Variants in EEF2K observed in about 807,000 individuals in gnomAD.
EEF2K encodes the protein eukaryotic elongation factor 2 kinase, also known as alternative protein EEF2K.
EEF2K carries 70 observed loss-of-function variants against 93.8 expected under a neutral mutation model. The observed-to-expected ratio is 0.75, with a 90% CI of 0.62 to 0.91. The LOEUF is 0.91. EEF2K is among the 40% of genes least tolerant of loss of function. The pLI is 0.00. For missense variants in EEF2K, 935 were observed against 972.9 expected, an observed-to-expected ratio of 0.96 and a Z score of 0.52; for synonymous variants, 376 against 380.8, an observed-to-expected ratio of 0.99 and a Z score of 0.15.
chr16:22,270,341 T>A (rs1270945574), intron 15 of EEF2K, among the ~76,000 whole-genome samples: 4 of 151,920 alleles, frequency 2.6e-5, no homozygotes, highest in Non-Finnish European at 4.4e-5. Flanking sequence ...GCCAGGCTGG[T>A]CTCGAACTCC....
rs371109837 is a variant in EEF2K at position 22,256,897 on chromosome 16, G to A, written c.768G>A (p.Gln256=). 1 of 1,613,774 alleles carries A rather than the reference G, an allele frequency of 6.2e-7. No homozygotes were observed. The highest frequency in any genetic ancestry group is 1.1e-5 in the South Asian group (1 of 91,068). ...VRDDNIRLTP[Q]AFSHFTFERS... ...ATGACAACATCCGCCTGACGCCGCA[G>A]GTGAGGCCGAGCTCACCTCCACCCT... Residue 256 remains glutamine, a splice_region_variant and synonymous_variant, in exon 7 of 18, where the codon CAG becomes CAA. Transcript: ENST00000263026.
intron 10 of EEF2K, among the ~76,000 whole-genome samples, chr16:22,259,895 G>A (rs762607938): frequency 6.6e-6 from 1 of 152,106 alleles, no homozygotes; most frequent in Non-Finnish European, 1.5e-5. Flanking sequence ...TGGGATTACA[G>A]GTGCATGCCA....
chr16:22,281,008 C>T (rs777118508), intron 17 of EEF2K, among the ~76,000 whole-genome samples: 33 of 152,070 alleles, frequency 2.2e-4, no homozygotes, highest in Admixed American at 4.6e-4. Flanking sequence ...CATCTCTGCT[C>T]CCTGCAACCT....
intron 17 of EEF2K, among the ~76,000 whole-genome samples, chr16:22,280,663 CTTTTTTTTTTTTT>C (rs11289061): frequency 1.5e-5 from 2 of 130,190 alleles, no homozygotes; most frequent in African/African-American, 6.0e-5. Flanking sequence ...TCCTTTCTTT[CTTTTTTTTTTTTT>C]TTTTTTGAGA....
chr16:22,252,474 G>T (rs889053767), intron 6 of EEF2K, among the ~76,000 whole-genome samples: 10 of 152,166 alleles, frequency 6.6e-5, no homozygotes, highest in Non-Finnish European at 1.2e-4. Flanking sequence ...CGTTTCATTG[G>T]CTCTGATTAA....
intron 12 of EEF2K, among the ~76,000 whole-genome samples, chr16:22,263,665 A>G (rs777594317): frequency 6.6e-6 from 1 of 152,256 alleles, no homozygotes; most frequent in African/African-American, 2.4e-5. Context: ...AAGATAAAAC[A>G]GGATCATGTG....
chr16:22,272,724 T>C (rs2047595933), intron 15 of EEF2K, among the ~76,000 whole-genome samples: 1 of 152,010 alleles, frequency 6.6e-6, no homozygotes, highest in Non-Finnish European at 1.5e-5. Flanking sequence ...TGCAGTGGCT[T>C]GATCTCGGTT....
rs554421683 is a variant in EEF2K, at chr16:22,229,242, T to G, written c.246+3267T>G. On this transcript the variant is annotated intron_variant, in intron 2 of 17. Coordinates refer to ENST00000263026, the MANE Select transcript of EEF2K (RefSeq NM_013302.5). Reference sequence around the variant, plus strand: ...GTGTTGAATATTTTGAAAGCACCCCTGCATATGCGTGTATGTGGGTACAGA... The same window carrying G: ...GTGTTGAATATTTTGAAAGCACCCCGGCATATGCGTGTATGTGGGTACAGA... Among the ~76,000 whole-genome samples, 10 of 152,328 alleles carry G rather than the reference T, an allele frequency of 6.6e-5. No homozygotes were observed. In the South Asian group the frequency reaches 2.1e-3, roughly 32 times the overall value.
intron 13 of EEF2K, among the ~76,000 whole-genome samples, chr16:22,265,744 C>A (rs1475150266): frequency 6.6e-6 from 1 of 152,222 alleles, no homozygotes; most frequent in Admixed American, 6.5e-5. Context: ...CTGTATCCTG[C>A]AAGAGCCTTT....
At chr16:22,212,001 G>A (rs1055518935) in intron 1 of EEF2K, among the ~76,000 whole-genome samples, 3 of 151,922 alleles carry the variant, frequency 2.0e-5, no homozygotes, top group Non-Finnish European at 4.4e-5. Context: ...GAGACGTGCT[G>A]TATCCCTGAG....
chr16:22,247,329 TC>T (rs1209503547), intron 3 of EEF2K, among the ~76,000 whole-genome samples: 1 of 150,980 alleles, frequency 6.6e-6, no homozygotes, highest in Non-Finnish European at 1.5e-5. Context: ...ACACCTGTAA[TC>T]CCAGCTACTC....
intron 2 of EEF2K, 78 bp from the exon 3 acceptor site, chr16:22,244,551 AG>A (rs2047265142): frequency 1.5e-6 from 2 of 1,354,644 alleles, no homozygotes; most frequent in Non-Finnish European, 2.1e-6. Context: ...AGGAAATAAC[AG>A]GGCAGGAGGA....
At chr16:22,280,459 A>T in intron 17 of EEF2K, 83 bp downstream of exon 17, 1 of 1,293,836 alleles carries the variant, frequency 7.7e-7, no homozygotes, top group South Asian at 2.4e-5. Context: ...GGAGTTATTT[A>T]TGACAAGATG....
Position 22,250,701 on chromosome 16 carries a change from T to TC in EEF2K, c.446+11dup. ...GGGAGTGCTTCCGGACGTAAGTGAC[T>TC]CAGCCTGGCTCTTGGGGCCCTGCCC... On this transcript the variant is annotated intron_variant, in intron 5 of 17. Coordinates refer to ENST00000263026, the MANE Select transcript of EEF2K (RefSeq NM_013302.5). 6.2e-7 allele frequency: 1 copy of TC among 1,614,164 alleles called. No individual in the cohort carries two copies. The highest frequency in any genetic ancestry group is 2.2e-5 in the East Asian group (1 of 44,876).
At chr16:22,276,011 G>A (rs1465427414) in intron 16 of EEF2K, among the ~76,000 whole-genome samples, 1 of 152,074 alleles carries the variant, frequency 6.6e-6, no homozygotes, top group Non-Finnish European at 1.5e-5. Flanking sequence ...GCAGTGGTGT[G>A]ATCATAGCTA....
intron 2 of EEF2K, 146 bp downstream of exon 2, chr16:22,226,121 A>T (rs1350191935): frequency 8.1e-7 from 1 of 1,241,016 alleles, no homozygotes; most frequent in African/African-American, 1.5e-5. Flanking sequence ...CTTGTTAAGC[A>T]GGGAGGGTAT....
At chr16:22,230,981 A>G (rs1194652845) in intron 2 of EEF2K, among the ~76,000 whole-genome samples, 1 of 151,684 alleles carries the variant, frequency 6.6e-6, no homozygotes, top group East Asian at 1.9e-4. Flanking sequence ...GTGTGTGCAA[A>G]TCCATAAAGA....
intron 5 of EEF2K, 106 bp from the exon 6 acceptor site, chr16:22,251,045 G>A: frequency 7.1e-7 from 1 of 1,414,392 alleles, no homozygotes; most frequent in Non-Finnish European, 9.6e-7. Context: ...CCTGCTGCCA[G>A]CCACCCAGCC....
intron 2 of EEF2K, among the ~76,000 whole-genome samples, chr16:22,239,833 C>T (rs1250886294): frequency 6.6e-6 from 1 of 151,570 alleles, no homozygotes; most frequent in Non-Finnish European, 1.5e-5. Flanking sequence ...AGTACAGGGG[C>T]CAGGCTCATG....
Sources: gnomAD v4.1 joint callset for allele counts (sites outside exome capture counted in the v4.1 genomes callset) on GRCh38, gnomAD v4.1.1 for gene constraint, MANE v1.5 for transcripts, NCBI Gene and HGNC (gene_info 2026-07-23, HGNC 2026-07-21) for gene names.